Variants in ARRB1 observed in about 807,000 individuals in gnomAD.
The protein encoded by ARRB1 is beta-arrestin-1.
A neutral mutation model predicts 56.8 loss-of-function variants in ARRB1; 21 were observed. The observed-to-expected ratio is 0.37, with a 90% CI of 0.26 to 0.53. The LOEUF (loss-of-function observed/expected upper bound fraction) is 0.53. ARRB1 is among the 20% of genes least tolerant of loss of function. The pLI is 0.88. For missense variants in ARRB1, 424 were observed against 553.7 expected, an observed-to-expected ratio of 0.77 and a Z score of 2.35; for synonymous variants, 210 against 218.6, an observed-to-expected ratio of 0.96 and a Z score of 0.35.
chr11:75,303,029 T>A (rs766146609), intron 1 of ARRB1, among the ~76,000 whole-genome samples: 2 of 151,826 alleles, frequency 1.3e-5, no homozygotes, highest in Non-Finnish European at 2.9e-5. Flanking sequence ...GGAGATGGAG[T>A]CTCGCTCTGT....
intron 1 of ARRB1, among the ~76,000 whole-genome samples, chr11:75,313,957 T>C (rs1192862019): frequency 2.0e-5 from 3 of 152,204 alleles, no homozygotes; most frequent in African/African-American, 7.2e-5. Flanking sequence ...GCAAACCTGA[T>C]CACGTGCCTC....
chr11:75,271,811 G>A, intron 12 of ARRB1, 87 bp from the exon 13 acceptor site: 2 of 1,417,752 alleles, frequency 1.4e-6, no homozygotes. Flanking sequence ...CACCACTTCT[G>A]CTGTCCCCCG....
At chr11:75,305,060 G>A (rs533169311) in intron 1 of ARRB1, among the ~76,000 whole-genome samples, 1 of 98,102 alleles carries the variant, frequency 1.0e-5, no homozygotes, top group South Asian at 3.4e-4. Flanking sequence ...GTCTTGCTCT[G>A]TTGCCCAGGC....
intron 1 of ARRB1, among the ~76,000 whole-genome samples, chr11:75,306,038 C>G (rs931970140): frequency 3.9e-5 from 6 of 152,112 alleles, no homozygotes; most frequent in Admixed American, 3.3e-4. Flanking sequence ...CCGCACACCC[C>G]GACACCACAC....
At chr11:75,285,403 T>C (rs1242006360) in intron 3 of ARRB1, among the ~76,000 whole-genome samples, 1 of 152,202 alleles carries the variant, frequency 6.6e-6, no homozygotes, top group Non-Finnish European at 1.5e-5. Context: ...GTCACCCCCT[T>C]GGCTGACATC....
chr11:75,326,470 T>G (rs895966047), intron 1 of ARRB1, among the ~76,000 whole-genome samples: 1 of 152,164 alleles, frequency 6.6e-6, no homozygotes, highest in Non-Finnish European at 1.5e-5. Context: ...TAATAAAAAT[T>G]TTGTTATTCC....
At chr11:75,307,926 A>G (rs1355516010) in intron 1 of ARRB1, among the ~76,000 whole-genome samples, 1 of 152,178 alleles carries the variant, frequency 6.6e-6, no homozygotes, top group African/African-American at 2.4e-5. Context: ...GGGTATCCAC[A>G]CCTGGCTCTG....
Position 75,304,844 on chromosome 11 carries a change from G to A in ARRB1, c.21-14805C>T, listed in dbSNP as rs981861202. Among the ~76,000 whole-genome samples, 4 of 151,224 alleles carry A rather than the reference G, an allele frequency of 2.6e-5. No homozygotes were observed. In the East Asian group the frequency reaches 7.7e-4, roughly 29 times the overall value. ...TCTGGGAGGCTGAAGTGGGAGGATC[G>A]CTTGAACCCAGGAGTTTGAGACCAG... On this transcript the variant is annotated intron_variant, in intron 1 of 15. Coordinates refer to ENST00000420843, the MANE Select transcript of ARRB1 (RefSeq NM_004041.5).
rs565810501 is a variant in ARRB1, at chr11:75,260,902, G to A, written c.*5261C>T. 5 of 152,130 alleles carry A rather than the reference G, an allele frequency of 3.3e-5. No individual in the cohort carries two copies. Among genetic ancestry groups the A allele is most frequent in the East Asian group, 1.9e-4 (1 of 5,190 alleles). The allele number at this position is 152,130 out of a possible 1,614,324, so 9.4% of individuals were successfully genotyped here. On this transcript the variant is annotated 3_prime_UTR_variant, in exon 16 of 16. Transcript: ENST00000420843. ...GAGCCAAGATTTCCATCCATCCGGCGCTGTGTAAAGATGAATTTAACCCTA... is the reference window on the plus strand; with the variant it reads ...GAGCCAAGATTTCCATCCATCCGGCACTGTGTAAAGATGAATTTAACCCTA...
intron 1 of ARRB1, among the ~76,000 whole-genome samples, chr11:75,315,672 C>T (rs1001095389): frequency 1.3e-5 from 2 of 152,160 alleles, no homozygotes; most frequent in Admixed American, 6.5e-5. Flanking sequence ...TAAACGGACA[C>T]AGGTCAGAAA....
intron 1 of ARRB1, among the ~76,000 whole-genome samples, chr11:75,304,913 A>G (rs1946987053): frequency 6.6e-6 from 1 of 151,896 alleles, no homozygotes; most frequent in African/African-American, 2.4e-5. Flanking sequence ...GAAAAAAAAA[A>G]GTTTAAAAAA....
intron 1 of ARRB1, chr11:75,335,219 G>T: frequency 5.1e-6 from 1 of 196,350 alleles, no homozygotes; most frequent in Non-Finnish European, 1.2e-5. Context: ...CTTGATGGGA[G>T]TCCCGCTGCT....
chr11:75,287,841 C>A (rs531138544), intron 2 of ARRB1, among the ~76,000 whole-genome samples: 2 of 152,324 alleles, frequency 1.3e-5, no homozygotes, highest in Admixed American at 1.3e-4. Context: ...TCCACTGATA[C>A]GAGGACTCGT....
chr11:75,267,700 G>A lies in ARRB1; in HGVS notation c.1097C>T (p.Pro366Leu), dbSNP rs371911812. 519 of 1,330,486 alleles carry A rather than the reference G, an allele frequency of 3.9e-4. No individual in the cohort carries two copies. Among genetic ancestry groups the A allele is most frequent in the Non-Finnish European group, 5.2e-4 (489 of 947,658 alleles). 82.4% of individuals were successfully genotyped at this position (1,330,486 alleles called of 1,614,324 possible). The change falls in exon 15 of 16, where the codon CCA becomes CTA. Residue 366 changes from proline (P) to leucine (L), a missense_variant. By Grantham distance (98) the Pro-to-Leu change is moderately conservative. Around this residue, in one of 3 missense-constraint regions of ARRB1, gnomAD observed 121 missense variants for 147.3 expected, o/e 0.82. Transcript: ENST00000420843. The stretch of plus-strand genomic sequence containing the variant: ...GGTATCTACTGGCGTCTCGTTCTCT[G>A]GAACTAAACACAGGGTGGGTGGGCA... The part of the protein sequence containing the change: ...PKEEPPHREV[P>L]ENETPVDTNL...
chr11:75,328,524 G>A (rs1046431871), intron 1 of ARRB1, among the ~76,000 whole-genome samples: 33 of 152,140 alleles, frequency 2.2e-4, no homozygotes, highest in African/African-American at 7.7e-4. Context: ...AGCCCCTGCC[G>A]CCCAAATGAA....
chr11:75,299,853 C>A (rs7102524), intron 1 of ARRB1, among the ~76,000 whole-genome samples: 1,948 of 152,186 alleles, frequency 0.013, 36 homozygotes, highest in African/African-American at 0.042. Context: ...TATAGGATGA[C>A]TATGGTTAAA....
At chr11:75,322,479 C>T (rs908250155) in intron 1 of ARRB1, among the ~76,000 whole-genome samples, 16 of 152,162 alleles carry the variant, frequency 1.1e-4, no homozygotes, top group South Asian at 2.1e-4. Flanking sequence ...GCACTCCAGC[C>T]TGGGCAACAG....
intron 3 of ARRB1, 89 bp from the exon 4 acceptor site, chr11:75,284,368 C>A (rs964750593): frequency 1.5e-5 from 20 of 1,318,444 alleles, no homozygotes; most frequent in Admixed American, 2.3e-5. Flanking sequence ...CCAGATCCAA[C>A]CATCTGTTCA....
Position 75,267,712 on chromosome 11 carries a change from AGGGT to A in ARRB1, c.1094-13_1094-10del. The A allele has an allele frequency of 6.1e-5, 41 of 672,454 alleles. No homozygotes were observed. The highest frequency in any genetic ancestry group is 1.0e-4 in the Non-Finnish European group (38 of 376,532). The allele number at this position is 672,454 out of a possible 1,614,324, so 41.7% of individuals were successfully genotyped here. A position where few individuals can be genotyped will look rare whatever the true frequency, so the allele number is the denominator to read the frequency against. ...CGTCTCGTTCTCTGGAACTAAACAC[AGGGT>A]GGGTGGGCAGGGTGTCCAGGGATTA... On this transcript the variant is annotated splice_polypyrimidine_tract_variant and intron_variant, in intron 14 of 15. Transcript: ENST00000420843.
Sources: allele counts gnomAD v4.1 joint callset (sites outside exome capture counted in the v4.1 genomes callset), GRCh38; gene constraint gnomAD v4.1.1; regional missense constraint gnomAD v4.1.1; transcripts MANE v1.5; gene names NCBI Gene and HGNC (gene_info 2026-07-23, HGNC 2026-07-21).